HBP1: variants seen among roughly 807,000 people sequenced by gnomAD.
HBP1 encodes the protein HMG box-containing protein 1.
In HBP1, 20 loss-of-function variants were observed where a neutral mutation model predicts 62.6. The observed-to-expected ratio is 0.32, with a 90% CI of 0.22 to 0.46. The LOEUF is 0.46. HBP1 is among the 20% of genes least tolerant of loss of function. HBP1 has a pLI of 1.00. For missense variants in HBP1, 480 were observed against 611.8 expected, an observed-to-expected ratio of 0.78 and a Z score of 2.27; for synonymous variants, 232 against 206.2, an observed-to-expected ratio of 1.12 and a Z score of -1.07.
chr7:107,171,644 A>G (rs1309091680), intron 1 of HBP1, among the ~76,000 whole-genome samples: 2 of 151,920 alleles, frequency 1.3e-5, no homozygotes, highest in East Asian at 1.9e-4. Context: ...CGGGTGGATC[A>G]CCTGAGGTCA....
At chr7:107,186,009 TC>T in intron 4 of HBP1, 67 bp downstream of exon 4, 3 of 1,164,636 alleles carry the variant, frequency 2.6e-6, no homozygotes, top group Non-Finnish European at 3.8e-6. Flanking sequence ...TTAACATTCC[TC>T]ATAGGAAGTA....
chr7:107,180,487 C>G (rs534701928), intron 2 of HBP1, among the ~76,000 whole-genome samples: 5 of 152,184 alleles, frequency 3.3e-5, no homozygotes, highest in Non-Finnish European at 5.9e-5. Context: ...TGCTAAACTA[C>G]TCCTGGAGAT....
intron 8 of HBP1, chr7:107,192,947 G>A (rs1163271413): frequency 6.6e-6 from 1 of 152,262 alleles, no homozygotes; most frequent in Non-Finnish European, 1.5e-5. Flanking sequence ...AGAAGAGAAA[G>A]AGGTAAGAAG....
intron 1 of HBP1, chr7:107,170,243 C>A: frequency 2.2e-6 from 1 of 452,082 alleles, no homozygotes; most frequent in Non-Finnish European, 2.9e-6. Context: ...TGGAGTCCTA[C>A]TAACAGCTCG....
At chr7:107,185,169 G>GT (rs879542228) in intron 3 of HBP1, among the ~76,000 whole-genome samples, 23 of 149,668 alleles carry the variant, frequency 1.5e-4, no homozygotes, top group South Asian at 8.5e-4. Flanking sequence ...AAGGGATAAA[G>GT]TTTTTTTTTT....
intron 1 of HBP1, among the ~76,000 whole-genome samples, chr7:107,179,252 C>T (rs1000625253): frequency 7.9e-5 from 12 of 151,902 alleles, no homozygotes; most frequent in Admixed American, 6.6e-5. Flanking sequence ...TCCTATTAGT[C>T]TCAGTTTTTG....
At chr7:107,169,812 G>T in intron 1 of HBP1, 1 of 985,474 alleles carries the variant, frequency 1.0e-6, no homozygotes, top group Non-Finnish European at 1.2e-6. Context: ...CACATGATGG[G>T]GGGAAGGGAG....
intron 1 of HBP1, among the ~76,000 whole-genome samples, chr7:107,171,238 T>G (rs114120720): frequency 0.014 from 2,179 of 150,428 alleles, 49 homozygotes; most frequent in African/African-American, 0.051. Context: ...CTCAACTAAT[T>G]TTTTTGTATT....
At chr7:107,187,466 A>G (rs1269505812) in intron 6 of HBP1, among the ~76,000 whole-genome samples, 1 of 152,156 alleles carries the variant, frequency 6.6e-6, no homozygotes, top group Non-Finnish European at 1.5e-5. Flanking sequence ...TAAAGTTGAC[A>G]CCTTTCACTT....
intron 7 of HBP1, 46 bp downstream of exon 7, chr7:107,189,494 T>G (rs1562895647): frequency 7.0e-7 from 1 of 1,427,640 alleles, no homozygotes; most frequent in Non-Finnish European, 9.7e-7. Flanking sequence ...AAACAAAGCT[T>G]CTTAAATCTG....
Position 107,192,190 on chromosome 7 carries a change from G to C in HBP1, c.1067+1873G>C, listed in dbSNP as rs1032285479. Among the ~76,000 whole-genome samples the C allele has an allele frequency of 3.3e-5, 5 of 151,902 alleles. No individual in the cohort carries two copies. In the South Asian group the frequency reaches 8.3e-4, roughly 25 times the overall value. Reference sequence around the variant, plus strand: ...ATAACAAAATCCAAACTTCCAAAAGGAAAGCAGGCATTCAGAGTAAACTGT... The same window carrying C: ...ATAACAAAATCCAAACTTCCAAAAGCAAAGCAGGCATTCAGAGTAAACTGT... On this transcript the variant is annotated intron_variant, in intron 8 of 10. Transcript: ENST00000222574.
At chr7:107,196,582 G>A (rs1797916070) in intron 9 of HBP1, 1 of 254,690 alleles carries the variant, frequency 3.9e-6, no homozygotes. Context: ...TGACTTTAAA[G>A]TAAAAAGTTT....
At chr7:107,197,056 A>C (rs1292231229) in intron 9 of HBP1, 2 of 152,246 alleles carry the variant, frequency 1.3e-5, no homozygotes, top group Admixed American at 6.5e-5. Flanking sequence ...CAGAGTTGTC[A>C]AAACGGTGAA....
intron 1 of HBP1, among the ~76,000 whole-genome samples, chr7:107,171,516 G>A (rs1796594516): frequency 6.6e-6 from 1 of 152,008 alleles, no homozygotes; most frequent in Admixed American, 6.6e-5. Flanking sequence ...TTGTATATGT[G>A]TTTGAAATAA....
In HBP1 at chr7:107,180,044, G is replaced by T. The variant is rs373213018; in HGVS notation, c.151G>T (p.Asp51Tyr). 1.3e-6 allele frequency: 2 copies of T among 1,581,598 alleles called. No individual in the cohort carries two copies. The highest frequency in any genetic ancestry group is 1.7e-6 in the Non-Finnish European group (2 of 1,153,964). The change falls in exon 2 of 11, where the codon GAT becomes TAT. Residue 51 changes from aspartate to tyrosine, a missense_variant. Around this residue, in one of 4 missense-constraint regions of HBP1, gnomAD observed 304 missense variants for 330.9 expected, o/e 0.92. Transcript: ENST00000222574. ...LPSSPGYNSC[D>Y]EHMELDDLPE... The stretch of plus-strand genomic sequence containing the variant: ...ATCTTCACCTGGATATAACTCCTGT[G>T]ATGAACACATGGAGCTTGGTAAGCA...
At position 107,171,073 on chromosome 7, in the gene HBP1, A is replaced by AT. The variant is rs60734729; in HGVS notation, c.-16+1903dup. On this transcript the variant is annotated intron_variant, in intron 1 of 10. Transcript: ENST00000222574. Reference sequence around the variant, plus strand: ...TATATATATATATATATATATATATATTTTTTTTTTTTTTTGAGAGGGAGT... The same window carrying AT: ...TATATATATATATATATATATATATATTTTTTTTTTTTTTTTGAGAGGGAGT... Among the ~76,000 whole-genome samples, 181 of 87,196 alleles carry AT rather than the reference A, an allele frequency of 2.1e-3. 22 individuals are homozygous for AT. The highest frequency in any genetic ancestry group is 6.2e-3 in the African/African-American group (94 of 15,120). The allele number at this position is 87,196 out of a possible 152,430, so 57.2% of individuals were successfully genotyped here.
intron 1 of HBP1, among the ~76,000 whole-genome samples, chr7:107,172,947 G>A (rs2115777148): frequency 6.6e-6 from 1 of 152,280 alleles, no homozygotes; most frequent in East Asian, 1.9e-4. Flanking sequence ...CAGGCCTAGA[G>A]ATTTAATTGT....
At position 107,180,042 on chromosome 7, in the gene HBP1, G is replaced by A. The variant is rs1282683951; in HGVS notation, c.149G>A (p.Cys50Tyr). ...NLPSSPGYNS[C>Y]DEHMELDDLP... ...CCATCTTCACCTGGATATAACTCCT[G>A]TGATGAACACATGGAGCTTGGTAAG... is the stretch of plus-strand genomic sequence containing the variant. The change falls in exon 2 of 11, where the codon TGT (cysteine) becomes TAT (tyrosine). Residue 50 changes from cysteine (C) to tyrosine (Y), a missense_variant. Cys to Tyr is a radical substitution (Grantham distance 194). This residue lies in a region of HBP1 where 304 missense variants were observed against 330.9 expected (regional missense o/e 0.92). Coordinates refer to ENST00000222574, the MANE Select transcript of HBP1 (RefSeq NM_012257.4). 2 of 1,582,922 alleles carry A rather than the reference G, an allele frequency of 1.3e-6. No individual in the cohort carries two copies. Among genetic ancestry groups the A allele is most frequent in the Admixed American group, 3.4e-5 (2 of 59,602 alleles).
intron 10 of HBP1, 113 bp downstream of exon 10, chr7:107,200,414 C>A: frequency 1.4e-6 from 1 of 708,760 alleles, no homozygotes; most frequent in Non-Finnish European, 2.2e-6. Flanking sequence ...CTGTCTCTAG[C>A]ATTTTTATAC....
Sources: allele counts gnomAD v4.1 joint callset (sites outside exome capture counted in the v4.1 genomes callset), GRCh38; gene constraint gnomAD v4.1.1; regional missense constraint gnomAD v4.1.1; transcripts MANE v1.5; gene names NCBI Gene and HGNC (gene_info 2026-07-23, HGNC 2026-07-21).